TOMM40: variants seen among roughly 807,000 people sequenced by gnomAD.
TOMM40 encodes translocase of outer mitochondrial membrane 40.
TOMM40 carries 9 observed loss-of-function variants against 38.4 expected under a neutral mutation model. That is an observed-to-expected ratio of 0.23 (90% CI 0.14 to 0.41). The LOEUF (loss-of-function observed/expected upper bound fraction) is 0.41. TOMM40 is among the 10% of genes least tolerant of loss of function. TOMM40 has a pLI of 1.00. For missense variants in TOMM40, 299 were observed against 486.5 expected (o/e 0.61, Z 3.63); for synonymous variants, 184 against 210.0 (o/e 0.88, Z 1.07).
chr19:44,893,909 C>T (rs2122746156), intron 4 of TOMM40, 28 bp downstream of exon 4: 7 of 1,608,840 alleles, frequency 4.4e-6, no homozygotes, highest in Non-Finnish European at 5.1e-6. Context: ...GCTGCTGCTC[C>T]CCTCGGCCAC....
At chr19:44,899,518 T>G (rs1969636338) in intron 5 of TOMM40, among the ~76,000 whole-genome samples, 1 of 152,044 alleles carries the variant, frequency 6.6e-6, no homozygotes, top group African/African-American at 2.4e-5. Flanking sequence ...ATTCGCTATG[T>G]TTCCCAAGCT....
At chr19:44,901,001 C>G in intron 6 of TOMM40, 27 bp from the exon 7 acceptor site, 1 of 1,613,526 alleles carries the variant, frequency 6.2e-7, no homozygotes, top group Non-Finnish European at 8.5e-7. Context: ...GGTAATGAGA[C>G]CCCGCCTCCA....
At position 44,891,369 on chromosome 19, in the gene TOMM40, C is replaced by T. The variant is rs1469984965; in HGVS notation, c.-47C>T. 37 of 1,234,182 alleles carry T rather than the reference C, an allele frequency of 3.0e-5. No homozygotes were observed. Among genetic ancestry groups the T allele is most frequent in the Non-Finnish European group, 3.7e-5 (37 of 987,406 alleles). 76.5% of individuals were successfully genotyped at this position (1,234,182 alleles called of 1,614,324 possible). A position where few individuals can be genotyped will look rare whatever the true frequency, so the allele number is the denominator to read the frequency against. ...ATTTGCTGGGGCTGAGTCGGGGGCG[C>T]GCGGGCCCTGACCTCTGCCCTCTGA... On this transcript the variant is annotated 5_prime_UTR_variant, in exon 1 of 9. Transcript: ENST00000426677.
Position 44,891,425 on chromosome 19 carries a change from G to T in TOMM40, c.10G>T (p.Val4Leu), listed in dbSNP as rs902725285. ...CCCCTAGCAGGCGACCATGGGGAAC[G>T]TGTTGGCTGCCAGCTCGCCGCCCGC... Reference protein sequence around the residue: MGNVLAASSPPAGP... With the variant: MGNLLAASSPPAGP... Residue 4 changes from valine (V) to leucine (L), a missense_variant, in exon 1 of 9, where the codon GTG (valine) becomes TTG (leucine). Transcript: ENST00000426677. 2.3e-6 allele frequency: 3 copies of T among 1,293,430 alleles called. No homozygotes were observed. In the African/African-American group the frequency reaches 4.6e-5, roughly 20 times the overall value. The allele number at this position is 1,293,430 out of a possible 1,614,324, so 80.1% of individuals were successfully genotyped here.
chr19:44,898,511 C>CTTTTTTTTTTTTTTCT (rs34896370), intron 5 of TOMM40, among the ~76,000 whole-genome samples: 1 of 98,536 alleles, frequency 1.0e-5, no homozygotes, highest in Non-Finnish European at 1.9e-5. Context: ...TGTGTTGTTT[C>CTTTTTTTTTTTTTTCT]TTTTTTTTTT....
At chr19:44,893,928 G>A (rs199917502) in intron 4 of TOMM40, 33 bp from the exon 5 acceptor site, 2 of 1,603,106 alleles carry the variant, frequency 1.2e-6, no homozygotes, top group African/African-American at 1.3e-5. Flanking sequence ...ACCGTGAGCA[G>A]GGAGCCGCCC....
At chr19:44,899,324 T>G (rs1969633334) in intron 5 of TOMM40, among the ~76,000 whole-genome samples, 1 of 151,188 alleles carries the variant, frequency 6.6e-6, no homozygotes, top group Admixed American at 6.6e-5. Flanking sequence ...GTTTTTAAAT[T>G]TATTTATTTG....
At position 44,892,925 on chromosome 19, in the gene TOMM40, CAG is replaced by C; in HGVS notation, c.434_435del (p.Glu145GlyfsTer8). 6.2e-7 allele frequency: 1 copy of C among 1,611,132 alleles called. No individual in the cohort carries two copies. The highest frequency in any genetic ancestry group is 8.5e-7 in the Non-Finnish European group (1 of 1,178,258). On this transcript the variant is annotated frameshift_variant and splice_region_variant, in exon 3 of 9. Transcript: ENST00000426677. LOFTEE classifies it high-confidence loss of function. ...GTGGGGACAAAGCAGCTGAGTCCCA[CAG>C]AGGTGAGCTTCCTTTTTCATCCATT...
intron 2 of TOMM40, 46 bp from the exon 3 acceptor site, chr19:44,892,791 C>T: frequency 6.6e-7 from 1 of 1,514,766 alleles, no homozygotes; most frequent in South Asian, 1.1e-5. Flanking sequence ...CTTCAGTGGG[C>T]AAGCCTATCT....
chr19:44,900,600 AAGG>A, intron 5 of TOMM40, 127 bp from the exon 6 acceptor site: 1 of 1,556,752 alleles, frequency 6.4e-7, no homozygotes, highest in Non-Finnish European at 8.7e-7. Flanking sequence ...GGTTAGGAGA[AAGG>A]AGCCCTTGAG....
chr19:44,900,888 T>G (rs764863455), intron 6 of TOMM40, 36 bp downstream of exon 6: 1 of 1,610,684 alleles, frequency 6.2e-7, no homozygotes, highest in Non-Finnish European at 8.5e-7. Context: ...GTGGAGGGGC[T>G]GGGCCCCTGG....
intron 1 of TOMM40, 45 bp downstream of exon 1, chr19:44,891,734 CG>C (rs1568605297): frequency 7.2e-7 from 1 of 1,396,858 alleles, no homozygotes; most frequent in Non-Finnish European, 9.3e-7. Context: ...GCCTGGATCT[CG>C]GGGGAAGGGG....
rs375914855 is a variant in TOMM40 at position 44,894,606 on chromosome 19, G to A, written c.643+540G>A. Among the ~76,000 whole-genome samples the A allele has an allele frequency of 2.6e-5, 4 of 152,038 alleles. No homozygotes were observed. In the East Asian group the frequency reaches 7.7e-4, roughly 29 times the overall value. Reference sequence around the variant, plus strand: ...GAGATTTTCTTTTGTATTAAAAAATGTTTTAAGATGGGGTCTTGCTGTATT... The same window carrying A: ...GAGATTTTCTTTTGTATTAAAAAATATTTTAAGATGGGGTCTTGCTGTATT... On this transcript the variant is annotated intron_variant, in intron 5 of 8. Coordinates refer to ENST00000426677, the MANE Select transcript of TOMM40 (RefSeq NM_001128917.2).
intron 6 of TOMM40, 26 bp from the exon 7 acceptor site, chr19:44,901,002 C>T (rs913737656): frequency 6.2e-7 from 1 of 1,613,626 alleles, no homozygotes; most frequent in Non-Finnish European, 8.5e-7. Context: ...GTAATGAGAC[C>T]CCGCCTCCAC....
chr19:44,901,155 A>G (rs769680208), intron 7 of TOMM40, 51 bp downstream of exon 7: 20 of 1,613,502 alleles, frequency 1.2e-5, no homozygotes, highest in Middle Eastern at 1.6e-4. Flanking sequence ...CTGGGCCTGG[A>G]AGTCCAGGTG....
At chr19:44,896,476 C>A (rs1260781015) in intron 5 of TOMM40, among the ~76,000 whole-genome samples, 1 of 152,234 alleles carries the variant, frequency 6.6e-6, no homozygotes, top group African/African-American at 2.4e-5. Flanking sequence ...CATGCACAGT[C>A]ACCACTTGCT....
intron 5 of TOMM40, among the ~76,000 whole-genome samples, chr19:44,898,458 G>A (rs1969609201): frequency 6.6e-6 from 1 of 150,418 alleles, no homozygotes; most frequent in South Asian, 2.1e-4. Context: ...TCTCAACTGT[G>A]AATCTTCAGT....
In TOMM40 at chr19:44,892,467, C is replaced by A. The variant is rs938320742; in HGVS notation, c.342+7C>A. The A allele has an allele frequency of 8.1e-6, 13 of 1,611,998 alleles. No individual in the cohort carries two copies. Among genetic ancestry groups the A allele is most frequent in the African/African-American group, 2.7e-5 (2 of 74,820 alleles). On this transcript the variant is annotated splice_region_variant and intron_variant, in intron 2 of 8. Transcript: ENST00000426677. ...GTTGAGTAACCATTTTCAGGTGAGC[C>A]TTCCTGGTGTCCTTACCCACCAGAG...
At chr19:44,901,155 A>T in intron 7 of TOMM40, 51 bp downstream of exon 7, 1 of 1,613,620 alleles carries the variant, frequency 6.2e-7, no homozygotes, top group Admixed American at 1.7e-5. Flanking sequence ...CTGGGCCTGG[A>T]AGTCCAGGTG....
Sources: allele counts gnomAD v4.1 joint callset (sites outside exome capture counted in the v4.1 genomes callset), GRCh38; gene constraint gnomAD v4.1.1; transcripts MANE v1.5; gene names NCBI Gene and HGNC (gene_info 2026-07-23, HGNC 2026-07-21).